The following ALPK2 variants were observed in gnomAD, a reference collection of about 807,000 sequenced individuals.
The protein encoded by ALPK2 is alpha-protein kinase 2.
ALPK2 carries 127 observed loss-of-function variants against 163.1 expected under a neutral mutation model. The ratio of observed to expected loss-of-function variants is 0.78; its 90% CI spans 0.67 to 0.90. ALPK2 has a LOEUF of 0.90. Ranked by LOEUF, ALPK2 falls within the 40% of genes least tolerant of loss-of-function variation. The pLI is 0.00. For synonymous variants in ALPK2, 953 were observed against 959.1 expected (o/e 0.99, Z 0.12); for missense variants, 2,360 against 2,589.6 (o/e 0.91, Z 1.92).
At chr18:58,620,215 C>T (rs542987824) in intron 1 of ALPK2, among the ~76,000 whole-genome samples, 7 of 152,190 alleles carry the variant, frequency 4.6e-5, no homozygotes, top group Non-Finnish European at 7.4e-5. Context: ...TTCTTGAACC[C>T]GGGAGGTGGA....
intron 11 of ALPK2, among the ~76,000 whole-genome samples, chr18:58,498,996 C>G (rs1045708177): frequency 2.0e-5 from 3 of 151,976 alleles, no homozygotes; most frequent in African/African-American, 7.3e-5. Context: ...CCATAAAGAT[C>G]GTTTTTCAAT....
intron 4 of ALPK2, among the ~76,000 whole-genome samples, chr18:58,571,166 C>A (rs1156406040): frequency 6.6e-6 from 1 of 151,990 alleles, no homozygotes; most frequent in East Asian, 1.9e-4. Context: ...GGATTACAGG[C>A]AAGCGCCACC....
In ALPK2 at chr18:58,535,304, T is replaced by C; in HGVS notation, c.4883A>G (p.Glu1628Gly). The change falls in exon 5 of 13, where the codon GAG becomes GGG. Residue 1628 changes from glutamate to glycine, a missense_variant. By Grantham distance (98) the Glu-to-Gly change is moderately conservative. Coordinates refer to ENST00000361673, the MANE Select transcript of ALPK2 (RefSeq NM_052947.4). ...TTGAAGCACCTCTATTTTAGGTTCCTCCATTTTGTGGCTTATCAAAAAGTC... is the reference window on the plus strand; with the variant it reads ...TTGAAGCACCTCTATTTTAGGTTCCCCCATTTTGTGGCTTATCAAAAAGTC... The part of the protein sequence containing the change: ...VTDFLISHKM[E>G]EPKIEVLQIG... 2 of 1,614,172 alleles carry C rather than the reference T, an allele frequency of 1.2e-6. No homozygotes were observed. Among genetic ancestry groups the C allele is most frequent in the Non-Finnish European group, 1.7e-6 (2 of 1,180,030 alleles).
At chr18:58,612,343 G>A (rs540358883) in intron 1 of ALPK2, among the ~76,000 whole-genome samples, 13 of 152,330 alleles carry the variant, frequency 8.5e-5, no homozygotes, top group African/African-American at 2.9e-4. Context: ...TGTCAGTTGT[G>A]TTGAAATGAT....
chr18:58,608,725 G>A (rs1275584092), intron 2 of ALPK2, among the ~76,000 whole-genome samples: 2 of 152,108 alleles, frequency 1.3e-5, no homozygotes, highest in Non-Finnish European at 2.9e-5. Context: ...AGGCAGGGGG[G>A]TGAATCACTT....
chr18:58,483,461 G>GT (rs2051321754), intron 12 of ALPK2, among the ~76,000 whole-genome samples: 1 of 152,068 alleles, frequency 6.6e-6, no homozygotes, highest in African/African-American at 2.4e-5. Flanking sequence ...CCTCCCAAAA[G>GT]TTTCTGCCTG....
At chr18:58,547,730 G>T (rs777250162) in intron 4 of ALPK2, among the ~76,000 whole-genome samples, 1 of 152,138 alleles carries the variant, frequency 6.6e-6, no homozygotes, top group East Asian at 1.9e-4. Context: ...CATAATTTCC[G>T]GGGGGTTTCA....
At chr18:58,505,430 G>C (rs944615412) in intron 10 of ALPK2, among the ~76,000 whole-genome samples, 3 of 152,016 alleles carry the variant, frequency 2.0e-5, no homozygotes, top group African/African-American at 7.3e-5. Context: ...CCCGGTCTGT[G>C]CCCACACACT....
chr18:58,547,008 GAT>G, intron 4 of ALPK2, among the ~76,000 whole-genome samples: 1 of 94,670 alleles, frequency 1.1e-5, no homozygotes, highest in Non-Finnish European at 2.6e-5. Context: ...GGAGTAGGGT[GAT>G]GGAAAAATGA....
intron 8 of ALPK2, among the ~76,000 whole-genome samples, chr18:58,523,191 A>G (rs1403210474): frequency 6.0e-5 from 9 of 150,062 alleles, no homozygotes; most frequent in African/African-American, 2.0e-4. Flanking sequence ...GCGATAGTTT[A>G]CTGAGAATGA....
At chr18:58,600,822 G>A (rs1381258612) in intron 3 of ALPK2, 2 of 152,248 alleles carry the variant, frequency 1.3e-5, no homozygotes, top group African/African-American at 4.8e-5. Context: ...TTCAGTGTCT[G>A]TTTCCTGGAC....
Position 58,609,472 on chromosome 18 carries a change from C to T in ALPK2, c.110-2033G>A, listed in dbSNP as rs556289293. On this transcript the variant is annotated intron_variant, in intron 2 of 12. Coordinates refer to ENST00000361673, the MANE Select transcript of ALPK2 (RefSeq NM_052947.4). ...ATTCCTCCTTTTTGTGGGTACGTGG[C>T]TGTTTTGAAGAAAATACATAAAATA... Among the ~76,000 whole-genome samples, 10 of 152,280 alleles carry T rather than the reference C, an allele frequency of 6.6e-5. No homozygotes were observed. The East Asian group carries it at 1.9e-3, about 29-fold the overall frequency.
intron 5 of ALPK2, among the ~76,000 whole-genome samples, chr18:58,533,833 TG>T (rs1412263385): frequency 6.6e-6 from 1 of 152,220 alleles, no homozygotes; most frequent in African/African-American, 2.4e-5. Context: ...AAGGCAGTTT[TG>T]TCTTTAAACC....
intron 4 of ALPK2, among the ~76,000 whole-genome samples, chr18:58,571,837 G>A (rs996769812): frequency 7.2e-5 from 11 of 152,048 alleles, no homozygotes; most frequent in Admixed American, 6.6e-5. Context: ...TTAGCCAGGT[G>A]TGGTGGCAGG....
chr18:58,483,962 ACGGT>A (rs2051325313), intron 12 of ALPK2, among the ~76,000 whole-genome samples: 1 of 152,002 alleles, frequency 6.6e-6, no homozygotes, highest in East Asian at 1.9e-4. Flanking sequence ...TCTTTGTGGC[ACGGT>A]CACACACACA....
At chr18:58,511,215 C>T (rs1001173398) in intron 10 of ALPK2, among the ~76,000 whole-genome samples, 4 of 152,154 alleles carry the variant, frequency 2.6e-5, no homozygotes, top group Non-Finnish European at 5.9e-5. Context: ...TTGAACCAGC[C>T]TTGCATCCCA....
chr18:58,551,557 C>A (rs2051760333), intron 4 of ALPK2, among the ~76,000 whole-genome samples: 1 of 152,208 alleles, frequency 6.6e-6, no homozygotes, highest in South Asian at 2.1e-4. Context: ...CGATTCAACC[C>A]ACTAAAGCAA....
At chr18:58,553,030 G>A (rs2051768031) in intron 4 of ALPK2, among the ~76,000 whole-genome samples, 1 of 152,166 alleles carries the variant, frequency 6.6e-6, no homozygotes, top group Non-Finnish European at 1.5e-5. Flanking sequence ...GAGGGAAGAA[G>A]GCCATGTGAT....
intron 4 of ALPK2, among the ~76,000 whole-genome samples, chr18:58,574,438 CAAAAAAAA>C (rs34107333): frequency 1.0e-4 from 5 of 49,406 alleles, no homozygotes; most frequent in Non-Finnish European, 2.0e-4. Context: ...GACTCCATCT[CAAAAAAAA>C]AAAAAAAAAA....
Sources: allele counts gnomAD v4.1 joint callset (sites outside exome capture counted in the v4.1 genomes callset), GRCh38; gene constraint gnomAD v4.1.1; transcripts MANE v1.5; gene names NCBI Gene and HGNC (gene_info 2026-07-23, HGNC 2026-07-21).